The following SLC5A10 variants were observed in gnomAD, a reference collection of about 807,000 sequenced individuals.
SLC5A10 encodes solute carrier family 5 member 10.
SLC5A10 carries 55 observed loss-of-function variants against 68.9 expected under a neutral mutation model. That is an observed-to-expected ratio of 0.80 (90% CI 0.64 to 1.00). SLC5A10 has a LOEUF of 1.00. Ranked by LOEUF, SLC5A10 falls within the 50% of genes least tolerant of loss-of-function variation. The pLI is 0.00. For missense variants in SLC5A10, 732 were observed against 819.3 expected, an observed-to-expected ratio of 0.89 and a Z score of 1.30; for synonymous variants, 344 against 344.8, an observed-to-expected ratio of 1.00 and a Z score of 0.02.
At chr17:18,956,465 G>GTTTTTTTTTTTTTTTTTTTTTTTT (rs750867503) in intron 1 of SLC5A10, among the ~76,000 whole-genome samples, 15 of 98,010 alleles carry the variant, frequency 1.5e-4, no homozygotes, top group Admixed American at 2.5e-4. Flanking sequence ...TTTTCTTTCT[G>GTTTTTTTTTTTTTTTTTTTTTTTT]TTTTTTTTTT....
At position 18,976,703 on chromosome 17, in the gene SLC5A10, T is replaced by C. The variant is rs118127777; in HGVS notation, c.847-151T>C. Reference sequence around the variant, plus strand: ...CTCTCCTGGTGGGACCCTGACAGTATTGGGGCTTTGAGTGTGGCTGTTTTG... The same window carrying C: ...CTCTCCTGGTGGGACCCTGACAGTACTGGGGCTTTGAGTGTGGCTGTTTTG... On this transcript the variant is annotated intron_variant, in intron 8 of 14. Transcript: ENST00000395645. 1,487 of 1,007,104 alleles carry C rather than the reference T, an allele frequency of 1.5e-3. 11 individuals are homozygous for C. The African/African-American group carries it at 0.018, about 12-fold the overall frequency. The allele number at this position is 1,007,104 out of a possible 1,614,324, so 62.4% of individuals were successfully genotyped here. A position where few individuals can be genotyped will look rare whatever the true frequency, so the allele number is the denominator to read the frequency against.
chr17:18,966,379 T>C (rs1160779622), intron 5 of SLC5A10, among the ~76,000 whole-genome samples: 2 of 152,136 alleles, frequency 1.3e-5, no homozygotes, highest in Non-Finnish European at 2.9e-5. Flanking sequence ...TGGTGCAGTC[T>C]TGTTGATTTT....
At chr17:18,998,727 T>C (rs961539731) in intron 9 of SLC5A10, among the ~76,000 whole-genome samples, 3 of 152,212 alleles carry the variant, frequency 2.0e-5, no homozygotes, top group African/African-American at 7.2e-5. Context: ...ACACCTGGGA[T>C]TACTTTATCA....
At chr17:18,962,173 G>A (rs1487872428) in intron 5 of SLC5A10, among the ~76,000 whole-genome samples, 1 of 152,160 alleles carries the variant, frequency 6.6e-6, no homozygotes, top group African/African-American at 2.4e-5. Context: ...CCTGGCCCTG[G>A]TCTGCCAGGG....
At chr17:18,972,801 ACAGTGAG>A (rs1250321158) in intron 8 of SLC5A10, among the ~76,000 whole-genome samples, 4 of 151,760 alleles carry the variant, frequency 2.6e-5, no homozygotes, top group African/African-American at 7.3e-5. Flanking sequence ...GGTGGAGTTG[ACAGTGAG>A]CAGTGAGCCG....
chr17:18,987,066 T>C (rs1441240614), intron 9 of SLC5A10, among the ~76,000 whole-genome samples: 4 of 152,126 alleles, frequency 2.6e-5, no homozygotes, highest in East Asian at 1.9e-4. Context: ...ACCGGAGGCG[T>C]TGGGGTTGGA....
At chr17:18,958,812 T>C in intron 2 of SLC5A10, 59 bp downstream of exon 2, 1 of 1,580,690 alleles carries the variant, frequency 6.3e-7, no homozygotes, top group Non-Finnish European at 8.7e-7. Flanking sequence ...GTGTCTGATC[T>C]CTAGGTCACC....
intron 2 of SLC5A10, 44 bp from the exon 3 acceptor site, chr17:18,959,091 C>A (rs755752701): frequency 1.3e-6 from 2 of 1,572,512 alleles, no homozygotes; most frequent in South Asian, 1.1e-5. Context: ...ATGGGGCCGG[C>A]GCAGGGAGCC....
Position 19,003,608 on chromosome 17 carries a change from G to C in SLC5A10, c.983-9802G>C. 5 of 1,611,588 alleles carry C rather than the reference G, an allele frequency of 3.1e-6. No individual in the cohort carries two copies. Among genetic ancestry groups the C allele is most frequent in the Non-Finnish European group, 4.2e-6 (5 of 1,179,080 alleles). On this transcript the variant is annotated intron_variant, in intron 9 of 14. Transcript: ENST00000395645. This position sits in a 1 kb window ranked among gnomAD's most constrained non-coding sequence, Gnocchi z 4.5. The stretch of plus-strand genomic sequence containing the variant: ...GGGCTGCATGTAGACGCTAGCCCGG[G>C]TCACGCCGCGGTAGGCGATGGTGTC...
At chr17:18,959,994 C>G (rs1025413032) in intron 4 of SLC5A10, among the ~76,000 whole-genome samples, 3 of 152,126 alleles carry the variant, frequency 2.0e-5, no homozygotes, top group African/African-American at 7.2e-5. Flanking sequence ...GTTTGCACAC[C>G]TGGCCCACAC....
intron 5 of SLC5A10, among the ~76,000 whole-genome samples, chr17:18,962,151 A>G (rs2042624947): frequency 6.6e-6 from 1 of 152,238 alleles, no homozygotes; most frequent in Admixed American, 6.5e-5. Context: ...AGGGATACAG[A>G]AATAAACAAG....
chr17:18,977,529 G>C, intron 9 of SLC5A10: 2 of 1,529,530 alleles, frequency 1.3e-6, no homozygotes, highest in Non-Finnish European at 1.8e-6. Flanking sequence ...TCGAGCTCTT[G>C]GGTGGCTGGC....
chr17:18,981,098 C>T (rs1385711422), intron 9 of SLC5A10, among the ~76,000 whole-genome samples: 4 of 152,192 alleles, frequency 2.6e-5, no homozygotes, highest in Non-Finnish European at 5.9e-5. Context: ...GCAGAGATGC[C>T]TGTGATGAGG....
intron 9 of SLC5A10, among the ~76,000 whole-genome samples, chr17:18,994,755 G>C (rs1376888806): frequency 6.6e-6 from 1 of 152,228 alleles, no homozygotes; most frequent in East Asian, 1.9e-4. Flanking sequence ...CAAACTTCCT[G>C]AAGAACCAGA....
At chr17:18,954,074 G>A (rs982472704) in intron 1 of SLC5A10, 5 of 152,234 alleles carry the variant, frequency 3.3e-5, no homozygotes, top group African/African-American at 1.2e-4. Flanking sequence ...TTTCTGTGCA[G>A]CCCACATCTC....
At chr17:19,013,216 A>C in intron 9 of SLC5A10, 194 bp from the exon 10 acceptor site, 1 of 769,192 alleles carries the variant, frequency 1.3e-6, no homozygotes, top group Non-Finnish European at 2.0e-6. Context: ...GGAGAACAGC[A>C]GGGAAAAGGA....
rs2043803587 is a variant in SLC5A10 at position 19,003,867 on chromosome 17, G to A, written c.983-9543G>A. On this transcript the variant is annotated intron_variant, in intron 9 of 14. Coordinates refer to ENST00000395645, the MANE Select transcript of SLC5A10 (RefSeq NM_001042450.4). This position sits in a 1 kb window ranked among gnomAD's most constrained non-coding sequence, Gnocchi z 4.5. ...ATGCGCTTGAGCTCCAGCTCCGAGAGGAAGTCTCGGATGTTCTCCCGCTTG... is the reference window on the plus strand; with the variant it reads ...ATGCGCTTGAGCTCCAGCTCCGAGAAGAAGTCTCGGATGTTCTCCCGCTTG... The A allele has an allele frequency of 1.2e-6, 2 of 1,613,060 alleles. No individual in the cohort carries two copies. The highest frequency in any genetic ancestry group is 4.5e-5 in the East Asian group (2 of 44,850).
At chr17:18,956,467 T>C (rs1316508968) in intron 1 of SLC5A10, among the ~76,000 whole-genome samples, 1 of 93,956 alleles carries the variant, frequency 1.1e-5, no homozygotes, top group Non-Finnish European at 1.9e-5. Flanking sequence ...TTCTTTCTGT[T>C]TTTTTTTTTT....
At chr17:18,993,307 C>T (rs2043477649) in intron 9 of SLC5A10, among the ~76,000 whole-genome samples, 2 of 152,166 alleles carry the variant, frequency 1.3e-5, no homozygotes, top group Admixed American at 6.5e-5. Context: ...CAAATCCCAA[C>T]TCCAGTGCAG....
Sources: allele counts gnomAD v4.1 joint callset (sites outside exome capture counted in the v4.1 genomes callset), GRCh38; gene constraint gnomAD v4.1.1; non-coding constraint Gnocchi (gnomAD v3.1); transcripts MANE v1.5; gene names NCBI Gene and HGNC (gene_info 2026-07-23, HGNC 2026-07-21).